RBFOX3: variants seen among roughly 807,000 people sequenced by gnomAD.
RBFOX3 encodes the protein RNA binding fox-1 homolog 3.
In RBFOX3, 17 loss-of-function variants were observed where a neutral mutation model predicts 48.7. The observed-to-expected ratio is 0.35, with a 90% confidence interval of 0.24 to 0.52. The LOEUF (loss-of-function observed/expected upper bound fraction) is 0.52. Among genes scored for constraint, RBFOX3 ranks in the 20% least tolerant of loss-of-function variants. RBFOX3 has a pLI of 0.94. For synonymous variants in RBFOX3, 212 were observed against 209.5 expected, an observed-to-expected ratio of 1.01 and a Z score of -0.10; for missense variants, 382 against 497.5, an observed-to-expected ratio of 0.77 and a Z score of 2.21.
the RBFOX3 span, among the ~76,000 whole-genome samples, chr17:79,656,471 G>A: frequency 1.7e-4 from 26 of 151,960 alleles, no homozygotes; most frequent in East Asian, 1.5e-3. Flanking sequence ...AAAATTAGCC[G>A]GACATGGTGG....
chr17:79,509,550 TG>T (rs1423226739), intron 1 of RBFOX3, among the ~76,000 whole-genome samples: 1 of 152,188 alleles, frequency 6.6e-6, no homozygotes, highest in Non-Finnish European at 1.5e-5. Context: ...GCGTTCTAGC[TG>T]GTTCTCCGGC....
chr17:79,398,875 A>G (rs1180670553), intron 2 of RBFOX3, among the ~76,000 whole-genome samples: 2 of 152,190 alleles, frequency 1.3e-5, no homozygotes, highest in Non-Finnish European at 2.9e-5. Context: ...TTGAAGCGCA[A>G]ACCCCTGGTA....
chr17:79,536,837 G>A (rs1489549347), intron 1 of RBFOX3, among the ~76,000 whole-genome samples: 1 of 152,226 alleles, frequency 6.6e-6, no homozygotes, highest in African/African-American at 2.4e-5. Context: ...TGTAATCCCA[G>A]CGCTTTGGGA....
intron 10 of RBFOX3, 68 bp downstream of exon 10, chr17:79,097,622 CAG>C: frequency 2.2e-6 from 3 of 1,386,140 alleles, no homozygotes; most frequent in South Asian, 1.3e-5. Flanking sequence ...GCCCCGCCCC[CAG>C]AGCCCCCGGA....
At position 79,495,836 on chromosome 17, in the gene RBFOX3, G is replaced by A. The variant is rs370309805; in HGVS notation, c.-319-13238C>T. ...TGGCAGAAGGTGGTTGGGGGTGTAG[G>A]CGGTGGACGGGGTGGAGGTTAAGGC... On this transcript the variant is annotated intron_variant, in intron 1 of 14. Coordinates refer to ENST00000693108, the MANE Select transcript of RBFOX3 (RefSeq NM_001350451.2). Among the ~76,000 whole-genome samples the A allele has an allele frequency of 3.1e-3, 470 of 151,666 alleles. 6 individuals are homozygous for A. Among genetic ancestry groups the A allele is most frequent in the Middle Eastern group, 0.02 (6 of 294 alleles).
rs1207461848 is a variant in RBFOX3, at chr17:79,198,046, G to A, written c.-34+37720C>T. On this transcript the variant is annotated intron_variant, in intron 4 of 14. Transcript: ENST00000693108. The surrounding 1 kb of genome is among the most constrained non-coding windows in gnomAD (Gnocchi z 8.2). ...GAATCCATCCCGAGTGCCTCTGTCTGCGTCAGGAGAGTCGTGTGGGGTGGG... is the reference window on the plus strand; with the variant it reads ...GAATCCATCCCGAGTGCCTCTGTCTACGTCAGGAGAGTCGTGTGGGGTGGG... 1.3e-5 allele frequency among the ~76,000 whole-genome samples: 2 copies of A among 150,436 alleles called. No homozygotes were observed. The highest frequency in any genetic ancestry group is 1.5e-5 in the Non-Finnish European group (1 of 67,868).
chr17:79,441,078 C>A (rs2070810380), intron 2 of RBFOX3, among the ~76,000 whole-genome samples: 2 of 152,208 alleles, frequency 1.3e-5, no homozygotes, highest in African/African-American at 4.8e-5. Context: ...GATCAGGACC[C>A]CAGGAAAGGG....
intron 3 of RBFOX3, among the ~76,000 whole-genome samples, chr17:79,275,176 C>A (rs546877473): frequency 6.6e-6 from 1 of 150,918 alleles, no homozygotes; most frequent in African/African-American, 2.4e-5. Context: ...CTCTCTCCCC[C>A]TCCCCTGGCC....
At chr17:79,475,219 G>T (rs2077561804) in intron 2 of RBFOX3, among the ~76,000 whole-genome samples, 1 of 152,176 alleles carries the variant, frequency 6.6e-6, no homozygotes. Flanking sequence ...CACTAGGTCT[G>T]TGGACGGCCT....
In RBFOX3 at chr17:79,148,003, C is replaced by G. The variant is rs956021616; in HGVS notation, c.-33-32255G>C. Among the ~76,000 whole-genome samples, 4 of 152,048 alleles carry G rather than the reference C, an allele frequency of 2.6e-5. No individual in the cohort carries two copies. The East Asian group carries it at 5.8e-4, about 22-fold the overall frequency. Reference sequence around the variant, plus strand: ...CTGCACCATCCATCCAGAGCCGCCGCTGCCGTGGGGCCCCGGGGGGAGGGC... The same window carrying G: ...CTGCACCATCCATCCAGAGCCGCCGGTGCCGTGGGGCCCCGGGGGGAGGGC... On this transcript the variant is annotated intron_variant, in intron 4 of 14. Transcript: ENST00000693108.
intron 4 of RBFOX3, among the ~76,000 whole-genome samples, chr17:79,129,880 C>T (rs899876017): frequency 9.9e-5 from 15 of 152,180 alleles, no homozygotes; most frequent in African/African-American, 2.9e-4. Context: ...GAGGAATGGG[C>T]GGACCTGCCC....
intron 3 of RBFOX3, among the ~76,000 whole-genome samples, chr17:79,265,016 T>C (rs536794524): frequency 1.3e-5 from 2 of 151,734 alleles, no homozygotes; most frequent in African/African-American, 4.8e-5. Flanking sequence ...ATCAAACTAC[T>C]ACAGAAAGCA....
At chr17:79,448,296 C>G (rs2072761493) in intron 2 of RBFOX3, among the ~76,000 whole-genome samples, 1 of 152,146 alleles carries the variant, frequency 6.6e-6, no homozygotes, top group African/African-American at 2.4e-5. Flanking sequence ...TTGTGTCTCC[C>G]AAAAAGATGT....
At chr17:79,580,979 A>G (rs895629532) in intron 1 of RBFOX3, among the ~76,000 whole-genome samples, 1 of 152,198 alleles carries the variant, frequency 6.6e-6, no homozygotes, top group East Asian at 1.9e-4. Context: ...CAGGTGCGGT[A>G]GCTCACGCCT....
At chr17:79,539,539 G>A (rs972042735) in intron 1 of RBFOX3, among the ~76,000 whole-genome samples, 5 of 152,116 alleles carry the variant, frequency 3.3e-5, no homozygotes, top group South Asian at 2.1e-4. Context: ...GGAAAGCTAC[G>A]AGTGCCAGGA....
chr17:79,643,403 A>G, the RBFOX3 span, among the ~76,000 whole-genome samples: 1 of 152,222 alleles, frequency 6.6e-6, no homozygotes, highest in African/African-American at 2.4e-5. Context: ...GAACAAGTCA[A>G]GAGAAAATCT....
chr17:79,420,125 T>TCACACACACA lies in RBFOX3; in HGVS notation c.-175+62328_-175+62329insTGTGTGTGTG, dbSNP rs1362849426. 3.5e-3 allele frequency among the ~76,000 whole-genome samples: 89 copies of TCACACACACA among 25,218 alleles called. 2 individuals carry two copies. The highest frequency in any genetic ancestry group is 0.033 in the Middle Eastern group (1 of 30). The allele number at this position is 25,218 out of a possible 152,430, so 16.5% of individuals were successfully genotyped here. ...CTGGGCAACAGAGCAAGACTCCGTC[T>TCACACACACA]CATACACACACACACACACACACAC... On this transcript the variant is annotated intron_variant, in intron 2 of 14. Transcript: ENST00000693108.
chr17:79,345,537 T>C (rs1429748045), intron 2 of RBFOX3, among the ~76,000 whole-genome samples: 1 of 152,222 alleles, frequency 6.6e-6, no homozygotes, highest in Non-Finnish European at 1.5e-5. Context: ...ACGCTACTCA[T>C]TGTGGTCTAG....
In RBFOX3 at chr17:79,478,825, G is replaced by A. The variant is rs1288386116; in HGVS notation, c.-175+3629C>T. ...TTTGCAGCATCCATGTTTTTAATAAGGACTTAGAATTTACTATACAGTAAA... is the reference window on the plus strand; with the variant it reads ...TTTGCAGCATCCATGTTTTTAATAAAGACTTAGAATTTACTATACAGTAAA... On this transcript the variant is annotated intron_variant, in intron 2 of 14. Coordinates refer to ENST00000693108, the MANE Select transcript of RBFOX3 (RefSeq NM_001350451.2). Among the ~76,000 whole-genome samples, 4 of 152,298 alleles carry A rather than the reference G, an allele frequency of 2.6e-5. No individual in the cohort carries two copies. The East Asian group carries it at 7.7e-4, about 29-fold the overall frequency.
Sources: allele counts gnomAD v4.1 joint callset (sites outside exome capture counted in the v4.1 genomes callset), GRCh38; gene constraint gnomAD v4.1.1; non-coding constraint Gnocchi (gnomAD v3.1); transcripts MANE v1.5; gene names NCBI Gene and HGNC (gene_info 2026-07-23, HGNC 2026-07-21).